Variants in BIRC6 observed in about 807,000 individuals in gnomAD.
BIRC6 encodes dual E2 ubiquitin-conjugating enzyme/E3 ubiquitin-protein ligase BIRC6.
BIRC6 carries 98 observed loss-of-function variants against 503.3 expected under a neutral mutation model. That is an observed-to-expected ratio of 0.19 (90% CI 0.17 to 0.23). The LOEUF (loss-of-function observed/expected upper bound fraction) is 0.23. Among genes scored for constraint, BIRC6 ranks in the 10% least tolerant of loss-of-function variants. BIRC6 has a pLI of 1.00. For missense variants in BIRC6, 5,360 were observed against 5,806.0 expected, an observed-to-expected ratio of 0.92 and a Z score of 2.50; for synonymous variants, 2,240 against 2,078.7, an observed-to-expected ratio of 1.08 and a Z score of -2.11.
In BIRC6 at chr2:32,416,067, G is replaced by C. The variant is rs542775800; in HGVS notation, c.2776G>C (p.Val926Leu). The change falls in exon 10 of 74, where the codon GTG (valine) becomes CTG (leucine). Residue 926 changes from valine to leucine, a missense_variant. Around this residue, in one of 16 missense-constraint regions of BIRC6, gnomAD observed 700 missense variants for 739.3 expected, o/e 0.95. Transcript: ENST00000421745. ...TTCAAACTTTGAAATTTTGGCCAAA[G>C]TGGAGCCTCCCAAAAAGGAGGGCAC... ...DLSNFEILAKVEPPKKEGTEE... is the reference protein window; with the variant it reads ...DLSNFEILAKLEPPKKEGTEE... The C allele has an allele frequency of 6.2e-7, 1 of 1,613,942 alleles. No individual in the cohort carries two copies. Among genetic ancestry groups the C allele is most frequent in the African/African-American group, 1.3e-5 (1 of 75,030 alleles).
At chr2:32,374,552 A>G (rs931898681) in intron 1 of BIRC6, among the ~76,000 whole-genome samples, 3 of 150,784 alleles carry the variant, frequency 2.0e-5, no homozygotes, top group African/African-American at 7.3e-5. Flanking sequence ...GGCTCACTGC[A>G]AGCTCCGCCT....
chr2:32,565,261 A>G (rs1473040923), intron 65 of BIRC6: 1 of 152,236 alleles, frequency 6.6e-6, no homozygotes, highest in African/African-American at 2.4e-5. Flanking sequence ...GAAACCATCT[A>G]TCTTGATATT....
chr2:32,531,752 A>G (rs1464390628), intron 61 of BIRC6, among the ~76,000 whole-genome samples: 1 of 152,216 alleles, frequency 6.6e-6, no homozygotes, highest in Non-Finnish European at 1.5e-5. Context: ...AATGTTGAAG[A>G]TCAAGCACAC....
At chr2:32,570,384 A>G (rs1283111613) in intron 65 of BIRC6, among the ~76,000 whole-genome samples, 2 of 152,194 alleles carry the variant, frequency 1.3e-5, no homozygotes, top group African/African-American at 4.8e-5. Flanking sequence ...GGGTTTCACC[A>G]TGTTGGTCAG....
At chr2:32,497,447 T>A (rs1034744339) in intron 45 of BIRC6, among the ~76,000 whole-genome samples, 2 of 152,252 alleles carry the variant, frequency 1.3e-5, no homozygotes, top group African/African-American at 4.8e-5. Flanking sequence ...ATGTGTATTG[T>A]CACTTACTTA....
At chr2:32,418,835 C>G (rs551906373) in intron 10 of BIRC6, among the ~76,000 whole-genome samples, 1 of 152,236 alleles carries the variant, frequency 6.6e-6, no homozygotes, top group African/African-American at 2.4e-5. Flanking sequence ...GTAATCCCAG[C>G]TACTTGGGAG....
rs534289790 is a variant in BIRC6 at position 32,595,182 on chromosome 2, T to C, written c.13612+38T>C. 4.4e-5 allele frequency: 60 copies of C among 1,350,990 alleles called. No individual in the cohort carries two copies. The African/African-American group carries it at 8.8e-4, about 20-fold the overall frequency. 83.7% of individuals were successfully genotyped at this position (1,350,990 alleles called of 1,614,324 possible). Reference sequence around the variant, plus strand: ...TTTTGATTTGCTTAAGATCTCACTTTCCATTTTTTTTTAACAGTGCTATTG... The same window carrying C: ...TTTTGATTTGCTTAAGATCTCACTTCCCATTTTTTTTTAACAGTGCTATTG... On this transcript the variant is annotated intron_variant, in intron 68 of 73. Transcript: ENST00000421745.
chr2:32,472,489 T>C (rs543257840), intron 32 of BIRC6, among the ~76,000 whole-genome samples: 25 of 152,364 alleles, frequency 1.6e-4, no homozygotes, highest in African/African-American at 5.8e-4. Flanking sequence ...GGAAGAGTTT[T>C]AGGGTTTGAA....
intron 1 of BIRC6, among the ~76,000 whole-genome samples, chr2:32,364,627 T>C (rs534284132): frequency 0.017 from 2,514 of 152,208 alleles, 51 homozygotes; most frequent in African/African-American, 0.057. Context: ...CTTTTTTTTT[T>C]CCACTGGGTT....
At chr2:32,398,172 C>T (rs888474442) in intron 6 of BIRC6, among the ~76,000 whole-genome samples, 3 of 152,250 alleles carry the variant, frequency 2.0e-5, no homozygotes, top group East Asian at 3.9e-4. Flanking sequence ...AAAAATGGAC[C>T]ATACCCTAGT....
chr2:32,532,363 C>A, intron 61 of BIRC6: 2 of 418,792 alleles, frequency 4.8e-6, no homozygotes, highest in Admixed American at 3.5e-5. Flanking sequence ...TCCTTCCTTG[C>A]TTCTTCCTGG....
Position 32,509,773 on chromosome 2 carries a change from C to T in BIRC6, c.10016C>T (p.Thr3339Ile). The change falls in exon 52 of 74, where the codon ACT becomes ATT. Residue 3339 changes from threonine (T) to isoleucine (I), a missense_variant. By Grantham distance (89) the Thr-to-Ile change is moderately conservative. Coordinates refer to ENST00000421745, the MANE Select transcript of BIRC6 (RefSeq NM_016252.4). ...TTACGGTTATTACATCATTGCCTTACTCACATAAGTGATCTAGAAGGAATG... is the reference window on the plus strand; with the variant it reads ...TTACGGTTATTACATCATTGCCTTATTCACATAAGTGATCTAGAAGGAATG... The part of the protein sequence containing the change: ...GWLRLLHHCL[T>I]HISDLEGMMA... The T allele has an allele frequency of 2.5e-6, 4 of 1,613,960 alleles. No homozygotes were observed. The highest frequency in any genetic ancestry group is 3.4e-6 in the Non-Finnish European group (4 of 1,179,846).
chr2:32,497,179 T>C (rs927655744), intron 45 of BIRC6, among the ~76,000 whole-genome samples: 2 of 152,240 alleles, frequency 1.3e-5, no homozygotes, highest in East Asian at 1.9e-4. Flanking sequence ...TTGAATTATA[T>C]TGGTGTTTTC....
At chr2:32,513,292 TTGAAA>T in intron 54 of BIRC6, 138 bp downstream of exon 54, 2 of 641,960 alleles carry the variant, frequency 3.1e-6, no homozygotes, top group East Asian at 5.6e-5. Context: ...AAGTATACTT[TTGAAA>T]TGAATTGTCA....
At chr2:32,452,905 G>A (rs2046869085) in intron 22 of BIRC6, among the ~76,000 whole-genome samples, 6 of 152,172 alleles carry the variant, frequency 3.9e-5, no homozygotes, top group Admixed American at 3.9e-4. Flanking sequence ...CAGGCCCTAT[G>A]CTGACCCCCA....
chr2:32,464,843 G>A lies in BIRC6; in HGVS notation c.5256+20G>A, dbSNP rs2048354180. The stretch of plus-strand genomic sequence containing the variant: ...AGAATGGTAAATTATGTTTTAAATA[G>A]GTGTTGGCTTAGACATTTAAAAATA... On this transcript the variant is annotated intron_variant, in intron 25 of 73. Coordinates refer to ENST00000421745, the MANE Select transcript of BIRC6 (RefSeq NM_016252.4). 1 of 1,578,862 alleles carries A rather than the reference G, an allele frequency of 6.3e-7. No individual in the cohort carries two copies. The highest frequency in any genetic ancestry group is 8.6e-7 in the Non-Finnish European group (1 of 1,162,748).
chr2:32,540,092 G>A (rs916312322), intron 61 of BIRC6, among the ~76,000 whole-genome samples: 1 of 152,028 alleles, frequency 6.6e-6, no homozygotes, highest in Non-Finnish European at 1.5e-5. Flanking sequence ...AGAAGTGCAT[G>A]TATACGTTTG....
chr2:32,549,222 A>T, intron 64 of BIRC6, 91 bp from the exon 65 acceptor site: 1 of 848,424 alleles, frequency 1.2e-6, no homozygotes, highest in Non-Finnish European at 1.7e-6. Context: ...GAAAATATGT[A>T]CTCTTAGTAT....
intron 1 of BIRC6, among the ~76,000 whole-genome samples, chr2:32,362,354 C>T (rs562845625): frequency 6.2e-5 from 9 of 145,104 alleles, no homozygotes; most frequent in Non-Finnish European, 1.2e-4. Flanking sequence ...CTCGCTCTGT[C>T]GCCCAGGCTG....
Sources: gnomAD v4.1 joint callset for allele counts (sites outside exome capture counted in the v4.1 genomes callset) on GRCh38, gnomAD v4.1.1 for gene constraint, gnomAD v4.1.1 regional missense constraint, MANE v1.5 for transcripts, NCBI Gene and HGNC (gene_info 2026-07-23, HGNC 2026-07-21) for gene names.